PALD1: variants seen among roughly 807,000 people sequenced by gnomAD.
The protein encoded by PALD1 is paladin.
A neutral mutation model predicts 96.0 loss-of-function variants in PALD1; 57 were observed. The ratio of observed to expected loss-of-function variants is 0.59; its 90% CI spans 0.48 to 0.74. PALD1 has a LOEUF of 0.74. PALD1 is among the 30% of genes least tolerant of loss of function. The pLI is 0.00. For missense variants in PALD1, 1,063 were observed against 1,143.7 expected, an observed-to-expected ratio of 0.93 and a Z score of 1.02; for synonymous variants, 464 against 473.6, an observed-to-expected ratio of 0.98 and a Z score of 0.26.
In PALD1 at chr10:70,566,732, A is replaced by G; in HGVS notation, c.2570A>G (p.Ter857TrpextTer51). Reference protein sequence around the residue: ...LEPSAPEDLL* With the variant: ...LEPSAPEDLLW ...CCCTCTGCCCCCGAGGACTTGCTGT[A>G]GGGGGCCTTACTCCCTGTCCCCCCA... Residue 857 changes from the stop codon to tryptophan, a stop_lost, in exon 20 of 20, where the codon TAG becomes TGG. Transcript: ENST00000263563. 4 of 1,585,626 alleles carry G rather than the reference A, an allele frequency of 2.5e-6. No individual in the cohort carries two copies. The highest frequency in any genetic ancestry group is 3.4e-6 in the Non-Finnish European group (4 of 1,167,056).
chr10:70,501,838 T>TGTGTGTGTGTGCAC (rs57837334), intron 1 of PALD1, among the ~76,000 whole-genome samples: 1 of 150,446 alleles, frequency 6.6e-6, no homozygotes, highest in Non-Finnish European at 1.5e-5. Context: ...TGTGTGTGCG[T>TGTGTGTGTGTGCAC]GCGTGCATGC....
intron 1 of PALD1, chr10:70,485,734 G>T: frequency 6.5e-6 from 1 of 153,954 alleles, no homozygotes; most frequent in East Asian, 1.9e-4. Flanking sequence ...TTACAACCAC[G>T]GAAGGGGCAC....
At chr10:70,476,578 C>A (rs1011831027), upstream of PALD1, among the ~76,000 whole-genome samples, 11 of 152,288 alleles carry the variant, frequency 7.2e-5, no homozygotes, top group South Asian at 8.3e-4. Context: ...CCCTGAGGAA[C>A]CTCCAAGCCC....
upstream of PALD1, among the ~76,000 whole-genome samples, chr10:70,478,550 C>T (rs937731217): frequency 7.2e-5 from 11 of 152,184 alleles, no homozygotes; most frequent in African/African-American, 2.7e-4. Flanking sequence ...CGGGCAGTCT[C>T]CCCCGCCCCA....
intron 1 of PALD1, among the ~76,000 whole-genome samples, chr10:70,492,615 C>G (rs1365918422): frequency 6.6e-6 from 1 of 151,868 alleles, no homozygotes; most frequent in Non-Finnish European, 1.5e-5. Context: ...TGCCACCACG[C>G]CTGGCTAATT....
At position 70,539,613 on chromosome 10, in the gene PALD1, G is replaced by A. The variant is rs745793727; in HGVS notation, c.1759G>A (p.Glu587Lys). ...GGCCCAGCTGAAGGCCCATCTAAGC[G>A]AGCCTCCCCCAGGCAAGGAGGGCCC... ...LEAQLKAHLSEPPPGKEGPLT... is the reference protein window; with the variant it reads ...LEAQLKAHLSKPPPGKEGPLT... The change falls in exon 15 of 20, where the codon GAG (glutamate) becomes AAG (lysine). Residue 587 changes from glutamate to lysine, a missense_variant. By Grantham distance (56) the Glu-to-Lys change is moderately conservative. Coordinates refer to ENST00000263563, the MANE Select transcript of PALD1 (RefSeq NM_014431.3). This position sits in a 1 kb window ranked among gnomAD's most constrained non-coding sequence, Gnocchi z 4.5. The A allele has an allele frequency of 2.0e-5, 32 of 1,612,388 alleles. No homozygotes were observed. In the East Asian group the frequency reaches 2.0e-4, roughly 10 times the overall value.
At chr10:70,532,827 C>G (rs1847023717) in intron 6 of PALD1, 46 bp downstream of exon 6, 2 of 1,600,452 alleles carry the variant, frequency 1.2e-6, no homozygotes, top group African/African-American at 2.7e-5. Flanking sequence ...GCTCCAGGTC[C>G]TGCTCTCCAG....
intron 3 of PALD1, 28 bp downstream of exon 3, chr10:70,529,359 C>T (rs368283942): frequency 1.5e-5 from 17 of 1,110,228 alleles, no homozygotes; most frequent in Admixed American, 3.8e-5. Context: ...CCTGCCAGCC[C>T]GCCTGCTGCC....
At chr10:70,563,552 C>G (rs1158992358) in intron 18 of PALD1, among the ~76,000 whole-genome samples, 1 of 152,256 alleles carries the variant, frequency 6.6e-6, no homozygotes, top group Admixed American at 6.5e-5. Context: ...CTCCCAACCC[C>G]TCTCCTGAGC....
intron 2 of PALD1, among the ~76,000 whole-genome samples, chr10:70,526,654 T>G (rs978544076): frequency 3.3e-5 from 5 of 152,102 alleles, no homozygotes; most frequent in Middle Eastern, 6.3e-3. Flanking sequence ...ACTGTGTGCA[T>G]CCAGAGGAAG....
intron 1 of PALD1, among the ~76,000 whole-genome samples, chr10:70,512,032 GA>G (rs369014723): frequency 1.2e-4 from 17 of 146,970 alleles, no homozygotes; most frequent in African/African-American, 2.0e-4. Context: ...TCTCAAAAGA[GA>G]AAAAAAAAAG....
chr10:70,462,039 C>T, the PALD1 span, among the ~76,000 whole-genome samples: 1,112 of 152,312 alleles, frequency 7.3e-3, 8 homozygotes, highest in Middle Eastern at 0.027. Flanking sequence ...GCGATCCGCC[C>T]ACCTCAGCTT....
chr10:70,480,988 G>C (rs1384991005), intron 1 of PALD1, among the ~76,000 whole-genome samples: 3 of 152,238 alleles, frequency 2.0e-5, no homozygotes, highest in African/African-American at 7.2e-5. Flanking sequence ...GAACCCATCA[G>C]CGTGGGCCAC....
At chr10:70,474,590 A>T (rs1845800341), upstream of PALD1, among the ~76,000 whole-genome samples, 1 of 152,218 alleles carries the variant, frequency 6.6e-6, no homozygotes, top group Non-Finnish European at 1.5e-5. Flanking sequence ...CATCCAATGC[A>T]GTAAGGCTAA....
the PALD1 span, among the ~76,000 whole-genome samples, chr10:70,469,588 G>A: frequency 6.6e-6 from 1 of 152,098 alleles, no homozygotes; most frequent in Non-Finnish European, 1.5e-5. Flanking sequence ...CCTGCTGCTG[G>A]GTGCCTGCAA....
chr10:70,543,835 G>A (rs1036025331), intron 17 of PALD1, among the ~76,000 whole-genome samples: 12 of 152,138 alleles, frequency 7.9e-5, no homozygotes, highest in African/African-American at 2.2e-4. Flanking sequence ...GCTCCCAGGA[G>A]GTAGGTGCTT....
At chr10:70,503,434 G>A (rs1339913092) in intron 1 of PALD1, among the ~76,000 whole-genome samples, 1 of 152,070 alleles carries the variant, frequency 6.6e-6, no homozygotes, top group Non-Finnish European at 1.5e-5. Context: ...TCAGGAGTTC[G>A]AGAACAGCCT....
intron 7 of PALD1, 91 bp downstream of exon 7, chr10:70,533,161 A>C: frequency 1.0e-6 from 1 of 978,004 alleles, no homozygotes; most frequent in Non-Finnish European, 1.6e-6. Context: ...CGCCTTCCTC[A>C]GAGGAAGGCT....
At chr10:70,555,536 G>A (rs1192276567) in intron 18 of PALD1, among the ~76,000 whole-genome samples, 4 of 152,214 alleles carry the variant, frequency 2.6e-5, no homozygotes, top group Admixed American at 1.3e-4. Flanking sequence ...GCTGCCAGCC[G>A]CTACTGTGTG....
Sources: gnomAD v4.1 joint callset for allele counts (sites outside exome capture counted in the v4.1 genomes callset) on GRCh38, gnomAD v4.1.1 for gene constraint, Gnocchi (gnomAD v3.1) non-coding constraint, MANE v1.5 for transcripts, NCBI Gene and HGNC (gene_info 2026-07-23, HGNC 2026-07-21) for gene names.